CPEB2: variants seen among roughly 807,000 people sequenced by gnomAD.
CPEB2 encodes the protein cytoplasmic polyadenylation element-binding protein 2.
Under a neutral mutation model 93.6 loss-of-function variants are expected in CPEB2, and 56 were observed. That is an observed-to-expected ratio of 0.60 (90% CI 0.48 to 0.75). The LOEUF is 0.75. Ranked by LOEUF, CPEB2 falls within the 30% of genes least tolerant of loss-of-function variation. CPEB2 has a pLI of 0.00. For missense variants in CPEB2, 1,579 were observed against 1,395.1 expected, an observed-to-expected ratio of 1.13 and a Z score of -2.10; for synonymous variants, 764 against 586.3, an observed-to-expected ratio of 1.30 and a Z score of -4.38.
At chr4:15,041,227 G>A (rs1004907146) in intron 6 of CPEB2, among the ~76,000 whole-genome samples, 1 of 152,046 alleles carries the variant, frequency 6.6e-6, no homozygotes, top group Non-Finnish European at 1.5e-5. Flanking sequence ...ACTAGTAGAT[G>A]GGATGAGAGG....
chr4:15,039,861 A>C (rs1172408289), intron 5 of CPEB2, among the ~76,000 whole-genome samples: 1 of 152,154 alleles, frequency 6.6e-6, no homozygotes, highest in Non-Finnish European at 1.5e-5. Flanking sequence ...GATAGAAAGC[A>C]TTATTAGCTA....
rs114432141 is a variant in CPEB2, at chr4:15,040,146, C to T, written c.2177-318C>T. 2.8e-3 allele frequency among the ~76,000 whole-genome samples: 429 copies of T among 152,042 alleles called. 3 individuals are homozygous for T. Among genetic ancestry groups the T allele is most frequent in the African/African-American group, 9.7e-3 (401 of 41,516 alleles). On this transcript the variant is annotated intron_variant, in intron 5 of 11. Transcript: ENST00000538197. ...GAAAATTATTTGGGATGCTATTTAC[C>T]GCAAAGTGTTGTATATTTCTGTCTT... is the stretch of plus-strand genomic sequence containing the variant.
chr4:15,062,272 A>G lies in CPEB2; in HGVS notation c.2877+12A>G. ...ATATTGATAAACGTGTAAGTTGCAT[A>G]TTGGGAAATCACTTATGTCCTATAA... is the stretch of plus-strand genomic sequence containing the variant. On this transcript the variant is annotated intron_variant, in intron 11 of 11. Coordinates refer to ENST00000538197, the MANE Select transcript of CPEB2 (RefSeq NM_001177382.2). 6.3e-7 allele frequency: 1 copy of G among 1,595,664 alleles called. No individual in the cohort carries two copies. The highest frequency in any genetic ancestry group is 8.6e-7 in the Non-Finnish European group (1 of 1,167,366).
intron 4 of CPEB2, among the ~76,000 whole-genome samples, chr4:15,024,784 T>C (rs1032074863): frequency 1.3e-5 from 2 of 150,300 alleles, no homozygotes; most frequent in African/African-American, 4.9e-5. Flanking sequence ...CTTGCACTGT[T>C]GTCCAGGCTG....
At chr4:15,014,565 A>G (rs1031426741) in intron 3 of CPEB2, among the ~76,000 whole-genome samples, 1 of 152,014 alleles carries the variant, frequency 6.6e-6, no homozygotes, top group African/African-American at 2.4e-5. Flanking sequence ...AGTTTAGTCA[A>G]TTAACATTTG....
At chr4:15,035,261 A>C (rs1008421338) in intron 5 of CPEB2, among the ~76,000 whole-genome samples, 6 of 152,006 alleles carry the variant, frequency 3.9e-5, no homozygotes, top group African/African-American at 1.4e-4. Flanking sequence ...GGTTGCTAAC[A>C]TAGATTCTGG....
At chr4:15,042,030 T>C (rs1048277318) in intron 6 of CPEB2, among the ~76,000 whole-genome samples, 2 of 152,196 alleles carry the variant, frequency 1.3e-5, no homozygotes, top group African/African-American at 2.4e-5. Context: ...GTTTAGTACC[T>C]ATTTTCAAAT....
In CPEB2 at chr4:15,067,051, G is replaced by A. The variant is rs1485454507; in HGVS notation, c.*671G>A. On this transcript the variant is annotated 3_prime_UTR_variant, in exon 12 of 12. Transcript: ENST00000538197. The stretch of plus-strand genomic sequence containing the variant: ...GAAAACGTTAGAGACACACTGCATT[G>A]CAGATAAAATGCAGGCAGCACAATA... The A allele has an allele frequency of 6.6e-6, 1 of 152,550 alleles. No homozygotes were observed. The highest frequency in any genetic ancestry group is 1.5e-5 in the Non-Finnish European group (1 of 68,082). 9.4% of individuals were successfully genotyped at this position (152,550 alleles called of 1,614,324 possible). A position where few individuals can be genotyped will look rare whatever the true frequency, so the allele number is the denominator to read the frequency against.
intron 6 of CPEB2, 27 bp downstream of exon 6, chr4:15,040,514 T>C (rs1384631937): frequency 1.3e-6 from 2 of 1,527,990 alleles, no homozygotes; most frequent in Non-Finnish European, 1.8e-6. Context: ...TGCTATGGTA[T>C]AATTGTTTCT....
intron 4 of CPEB2, chr4:15,017,515 T>C (rs545686852): frequency 1.3e-5 from 4 of 311,672 alleles, no homozygotes; most frequent in Non-Finnish European, 2.3e-5. Flanking sequence ...AGAGACATGC[T>C]TCAGTTCACC....
rs1191145646 is a variant in CPEB2, at chr4:15,003,600, C to T, written c.927C>T (p.Pro309=). The T allele has an allele frequency of 4.1e-6, 6 of 1,476,786 alleles. No individual in the cohort carries two copies. In the Admixed American group the frequency reaches 9.2e-5, roughly 23 times the overall value. The allele number at this position is 1,476,786 out of a possible 1,614,324, so 91.5% of individuals were successfully genotyped here. A position where few individuals can be genotyped will look rare whatever the true frequency, so the allele number is the denominator to read the frequency against. The change falls in exon 1 of 12, where the codon CCC becomes CCT. Residue 309 remains proline, a synonymous_variant. Coordinates refer to ENST00000538197, the MANE Select transcript of CPEB2 (RefSeq NM_001177382.2). ...TGGCCTCCTCGACGCCGGTGAACCC[C>T]GCGCCGGGCTCCATGGAGTCCCCCA... ...AGLASSTPVN[P]APGSMESPNH...
intron 4 of CPEB2, chr4:15,017,902 A>T (rs1033721476): frequency 2.6e-5 from 4 of 151,884 alleles, no homozygotes; most frequent in African/African-American, 9.7e-5. Flanking sequence ...AATGAAAAAA[A>T]GCAATTATTA....
intron 4 of CPEB2, among the ~76,000 whole-genome samples, chr4:15,027,306 A>G (rs1337581976): frequency 6.6e-6 from 1 of 152,254 alleles, no homozygotes; most frequent in African/African-American, 2.4e-5. Flanking sequence ...TGCATTAACT[A>G]GATTAATTTC....
Position 15,003,833 on chromosome 4 carries a change from C to T in CPEB2, c.1160C>T (p.Thr387Ile). Residue 387 changes from threonine to isoleucine, a missense_variant, in exon 1 of 12, where the codon ACC becomes ATC. Transcript: ENST00000538197. ...TTCGGCACCCCCTGGTCGGTGCAGACCGCGTCGCCGCCACCCCAGCCCCAG... is the reference window on the plus strand; with the variant it reads ...TTCGGCACCCCCTGGTCGGTGCAGATCGCGTCGCCGCCACCCCAGCCCCAG... ...PGFGTPWSVQTASPPPQPQQP... is the reference protein window; with the variant it reads ...PGFGTPWSVQIASPPPQPQQP... 1 of 923,786 alleles carries T rather than the reference C, an allele frequency of 1.1e-6. No individual in the cohort carries two copies. Among genetic ancestry groups the T allele is most frequent in the Non-Finnish European group, 1.4e-6 (1 of 704,050 alleles). The allele number at this position is 923,786 out of a possible 1,614,324, so 57.2% of individuals were successfully genotyped here.
rs1213064976 is a variant in CPEB2, at chr4:15,003,514, A to G, written c.841A>G (p.Ser281Gly). The G allele has an allele frequency of 9.8e-6, 14 of 1,424,072 alleles. No homozygotes were observed. The East Asian group carries it at 4.0e-4, about 41-fold the overall frequency. The allele number at this position is 1,424,072 out of a possible 1,614,324, so 88.2% of individuals were successfully genotyped here. A position where few individuals can be genotyped will look rare whatever the true frequency, so the allele number is the denominator to read the frequency against. ...APRRRHGGAG[S>G]PRKTPAAGEG... ...GCGGCGCCGCCACGGAGGCGCGGGC[A>G]GCCCTCGCAAGACCCCAGCCGCGGG... Residue 281 changes from serine to glycine, a missense_variant, in exon 1 of 12, where the codon AGC (serine) becomes GGC (glycine). By Grantham distance (56) the Ser-to-Gly change is moderately conservative (BLOSUM62 0). Coordinates refer to ENST00000538197, the MANE Select transcript of CPEB2 (RefSeq NM_001177382.2).
intron 4 of CPEB2, among the ~76,000 whole-genome samples, chr4:15,025,535 A>G (rs1725353285): frequency 2.0e-5 from 3 of 152,062 alleles, no homozygotes; most frequent in Middle Eastern, 6.8e-3. Flanking sequence ...GACCCTCACC[A>G]TGCCTGTGTC....
chr4:15,003,369 G>A lies in CPEB2; in HGVS notation c.696G>A (p.Pro232=), dbSNP rs1722258427. ...AQLAQRQQQQ[P]PQQFSLLHQQ... ...TCGCTCAGCGCCAGCAGCAACAGCCGCCGCAGCAGTTCAGCCTCCTGCATC... is the reference window on the plus strand; with the variant it reads ...TCGCTCAGCGCCAGCAGCAACAGCCACCGCAGCAGTTCAGCCTCCTGCATC... Residue 232 remains proline (P), a synonymous_variant, in exon 1 of 12, where the codon CCG becomes CCA. Coordinates refer to ENST00000538197, the MANE Select transcript of CPEB2 (RefSeq NM_001177382.2). 1.4e-6 allele frequency: 2 copies of A among 1,385,694 alleles called. No homozygotes were observed. Among genetic ancestry groups the A allele is most frequent in the Non-Finnish European group, 1.8e-6 (2 of 1,082,770 alleles). The allele number at this position is 1,385,694 out of a possible 1,614,324, so 85.8% of individuals were successfully genotyped here.
chr4:15,040,354 G>T (rs1727046922), intron 5 of CPEB2, 110 bp from the exon 6 acceptor site: 1 of 938,068 alleles, frequency 1.1e-6, no homozygotes, highest in Admixed American at 2.1e-5. Context: ...TTAAAACAAA[G>T]TAGCACTAAT....
chr4:15,066,559 C>A lies in CPEB2; in HGVS notation c.*179C>A. ...CAAGCCTCTTGTTTTTCACCAAAACCCTACATCTCAGGCTTACTAATTTTT... is the reference window on the plus strand; with the variant it reads ...CAAGCCTCTTGTTTTTCACCAAAACACTACATCTCAGGCTTACTAATTTTT... On this transcript the variant is annotated 3_prime_UTR_variant, in exon 12 of 12. Transcript: ENST00000538197. 1.1e-5 allele frequency: 6 copies of A among 556,178 alleles called. No homozygotes were observed. The highest frequency in any genetic ancestry group is 1.9e-5 in the Non-Finnish European group (6 of 313,786). The allele number at this position is 556,178 out of a possible 1,614,324, so 34.5% of individuals were successfully genotyped here.
Sources: allele counts gnomAD v4.1 joint callset (sites outside exome capture counted in the v4.1 genomes callset), GRCh38; gene constraint gnomAD v4.1.1; transcripts MANE v1.5; gene names NCBI Gene and HGNC (gene_info 2026-07-23, HGNC 2026-07-21).